Variants in TNR observed in about 807,000 individuals in gnomAD.
The protein encoded by TNR is tenascin R, also known as tenascin-R.
Under a neutral mutation model 150.4 loss-of-function variants are expected in TNR, and 45 were observed. The ratio of observed to expected loss-of-function variants is 0.30; its 90% CI spans 0.24 to 0.38. The LOEUF (loss-of-function observed/expected upper bound fraction) is 0.38. Among genes scored for constraint, TNR ranks in the 10% least tolerant of loss-of-function variants. TNR has a pLI of 1.00. For missense variants in TNR, 1,544 were observed against 1,759.1 expected, an observed-to-expected ratio of 0.88 and a Z score of 2.19; for synonymous variants, 687 against 678.4, an observed-to-expected ratio of 1.01 and a Z score of -0.20.
At chr1:175,436,457 T>C (rs1655515205) in intron 2 of TNR, among the ~76,000 whole-genome samples, 1 of 152,176 alleles carries the variant, frequency 6.6e-6, no homozygotes, top group East Asian at 1.9e-4. Context: ...GCATTTGTCA[T>C]GTAGTTCTCT....
intron 18 of TNR, among the ~76,000 whole-genome samples, chr1:175,343,472 C>T (rs1005573010): frequency 6.6e-6 from 1 of 152,170 alleles, no homozygotes; most frequent in Non-Finnish European, 1.5e-5. Context: ...GAGGAAGTGG[C>T]AAGTGATAAT....
At chr1:175,706,671 C>T (rs917568493) in intron 1 of TNR, among the ~76,000 whole-genome samples, 1 of 152,194 alleles carries the variant, frequency 6.6e-6, no homozygotes, top group African/African-American at 2.4e-5. Flanking sequence ...CTTCCTTACC[C>T]TGAATGGAAA....
chr1:175,367,024 C>T (rs1651871901), intron 10 of TNR, among the ~76,000 whole-genome samples, 184 bp downstream of exon 10: 1 of 152,198 alleles, frequency 6.6e-6, no homozygotes, highest in Non-Finnish European at 1.5e-5. Flanking sequence ...GTGACTCTGT[C>T]CTGCCTGTCA....
At chr1:175,379,845 C>T (rs1652592279) in intron 8 of TNR, 108 bp from the exon 9 acceptor site, 2 of 1,262,056 alleles carry the variant, frequency 1.6e-6, no homozygotes, top group South Asian at 1.5e-5. Context: ...ACCCCCTGAC[C>T]CTCTGGCTCA....
intron 1 of TNR, among the ~76,000 whole-genome samples, chr1:175,707,731 T>C (rs1666879925): frequency 6.6e-6 from 1 of 152,134 alleles, no homozygotes; most frequent in Non-Finnish European, 1.5e-5. Flanking sequence ...TCAGAAATTA[T>C]TCGGAAGGTT....
chr1:175,524,867 C>T (rs1449614165), intron 2 of TNR, among the ~76,000 whole-genome samples: 1 of 152,148 alleles, frequency 6.6e-6, no homozygotes, highest in African/African-American at 2.4e-5. Context: ...TAATGAAAGC[C>T]TTGTCACAAT....
chr1:175,325,460 C>T (rs574004582), intron 21 of TNR, among the ~76,000 whole-genome samples: 301 of 152,260 alleles, frequency 2.0e-3, no homozygotes, highest in Middle Eastern at 3.4e-3. Flanking sequence ...GACAGTGTGG[C>T]GATTCCTCAA....
chr1:175,666,011 A>G (rs1665522700), intron 1 of TNR, among the ~76,000 whole-genome samples: 1 of 152,218 alleles, frequency 6.6e-6, no homozygotes, highest in Non-Finnish European at 1.5e-5. Context: ...GTTTCTTGAG[A>G]AACCTCCCTA....
rs2102000619 is a variant in TNR at position 175,348,753 on chromosome 1, A to G, written c.3382+5638T>C. On this transcript the variant is annotated intron_variant, in intron 18 of 22. Transcript: ENST00000367674. ...AAAAATGAAACTGTATCCTCAACTA[A>G]TACCAGTATAAAATAGGCTAAATAT... Among the ~76,000 whole-genome samples the G allele has an allele frequency of 2.0e-5, 3 of 152,326 alleles. No homozygotes were observed. The South Asian group carries it at 6.2e-4, about 32-fold the overall frequency.
At chr1:175,520,355 T>G (rs970491683) in intron 2 of TNR, among the ~76,000 whole-genome samples, 1 of 152,206 alleles carries the variant, frequency 6.6e-6, no homozygotes, top group Admixed American at 6.5e-5. Context: ...TGGCACTCCC[T>G]TGGCCCATGG....
At chr1:175,589,009 G>C (rs1398105169) in intron 1 of TNR, among the ~76,000 whole-genome samples, 1 of 152,010 alleles carries the variant, frequency 6.6e-6, no homozygotes, top group African/African-American at 2.4e-5. Context: ...CTGCCTGGGG[G>C]ATACCCATTC....
chr1:175,687,506 A>T lies in TNR; in HGVS notation c.-165+55720T>A, dbSNP rs188178953. Among the ~76,000 whole-genome samples the T allele has an allele frequency of 3.1e-3, 477 of 152,264 alleles. 2 individuals carry two copies. Among genetic ancestry groups the T allele is most frequent in the Middle Eastern group, 3.4e-3 (1 of 294 alleles). ...AGAACATAGCATTCAAAACAAAGCA[A>T]CATGTTCTGTCCCTTCCTTTCCTTT... On this transcript the variant is annotated intron_variant, in intron 1 of 22. Coordinates refer to ENST00000367674, the MANE Select transcript of TNR (RefSeq NM_003285.3).
intron 2 of TNR, among the ~76,000 whole-genome samples, chr1:175,458,856 C>A (rs1373790024): frequency 1.3e-5 from 2 of 152,152 alleles, no homozygotes; most frequent in African/African-American, 2.4e-5. Flanking sequence ...ATCACCATCA[C>A]TGTCAGCATT....
intron 10 of TNR, among the ~76,000 whole-genome samples, chr1:175,366,428 C>A (rs1306485655): frequency 2.0e-5 from 3 of 152,224 alleles, no homozygotes; most frequent in Admixed American, 1.3e-4. Flanking sequence ...TCGCCATATT[C>A]ATTTTCTCCC....
chr1:175,565,401 T>C (rs960400658), intron 1 of TNR, among the ~76,000 whole-genome samples: 1 of 152,022 alleles, frequency 6.6e-6, no homozygotes, highest in East Asian at 1.9e-4. Flanking sequence ...AAATATACAG[T>C]ATTAGATTTG....
intron 1 of TNR, among the ~76,000 whole-genome samples, chr1:175,533,842 T>C (rs897250275): frequency 1.3e-5 from 2 of 152,116 alleles, no homozygotes; most frequent in African/African-American, 2.4e-5. Context: ...TTGGTGATCT[T>C]TAACTAGGCA....
At chr1:175,432,797 C>T (rs1386205083) in intron 2 of TNR, among the ~76,000 whole-genome samples, 1 of 152,162 alleles carries the variant, frequency 6.6e-6, no homozygotes, top group Non-Finnish European at 1.5e-5. Flanking sequence ...TCACTCTCCT[C>T]TTCTCTTTTG....
chr1:175,477,898 G>T (rs968647441), intron 2 of TNR, among the ~76,000 whole-genome samples: 1 of 152,158 alleles, frequency 6.6e-6, no homozygotes, highest in Non-Finnish European at 1.5e-5. Context: ...ATCCTCGGGG[G>T]TATGGATAGG....
chr1:175,645,934 T>G (rs1316108580), intron 1 of TNR, among the ~76,000 whole-genome samples: 1 of 150,600 alleles, frequency 6.6e-6, no homozygotes, highest in Non-Finnish European at 1.5e-5. Context: ...AAAGCCGGTA[T>G]TTTTTACAAA....
Sources: allele counts gnomAD v4.1 joint callset (sites outside exome capture counted in the v4.1 genomes callset), GRCh38; gene constraint gnomAD v4.1.1; transcripts MANE v1.5; gene names NCBI Gene and HGNC (gene_info 2026-07-23, HGNC 2026-07-21).